The following OLA1 variants were observed in gnomAD, a reference collection of about 807,000 sequenced individuals.
OLA1 encodes obg-like ATPase 1.
In OLA1, 14 loss-of-function variants were observed where a neutral mutation model predicts 48.4. The ratio of observed to expected loss-of-function variants is 0.29; its 90% CI spans 0.19 to 0.45. OLA1 has a LOEUF of 0.45. OLA1 is among the 20% of genes least tolerant of loss of function. The probability of loss-of-function intolerance (pLI) is 1.00; values close to 1 mark genes in which losing one functional copy is unlikely to be tolerated. For missense variants in OLA1, 325 were observed against 467.1 expected (o/e 0.70, Z 2.80); for synonymous variants, 127 against 150.4 (o/e 0.84, Z 1.14).
intron 2 of OLA1, among the ~76,000 whole-genome samples, chr2:174,241,542 A>C (rs976967715): frequency 3.9e-5 from 6 of 152,212 alleles, no homozygotes; most frequent in African/African-American, 1.4e-4. Context: ...CAGCTAAACA[A>C]GACAATTACT....
intron 4 of OLA1, among the ~76,000 whole-genome samples, chr2:174,152,035 A>G (rs1686759193): frequency 6.6e-6 from 1 of 152,244 alleles, no homozygotes; most frequent in South Asian, 2.1e-4. Flanking sequence ...GAGCAAAACC[A>G]TAATCTAATT....
At chr2:174,182,414 TACTC>T (rs1687568052) in intron 4 of OLA1, among the ~76,000 whole-genome samples, 1 of 152,050 alleles carries the variant, frequency 6.6e-6, no homozygotes, top group African/African-American at 2.4e-5. Flanking sequence ...TAATTCCACT[TACTC>T]AGGAGGCTGA....
intron 5 of OLA1, among the ~76,000 whole-genome samples, chr2:174,133,239 T>C (rs1686223271): frequency 6.6e-6 from 1 of 152,228 alleles, no homozygotes. Context: ...GATTTTTTAC[T>C]TTACTGGGAC....
At chr2:174,182,883 A>G (rs1263150307) in intron 4 of OLA1, among the ~76,000 whole-genome samples, 1 of 152,188 alleles carries the variant, frequency 6.6e-6, no homozygotes, top group East Asian at 1.9e-4. Context: ...TCCATCCCCA[A>G]TTACCTCATC....
chr2:174,162,224 A>G (rs1001748213), intron 4 of OLA1, among the ~76,000 whole-genome samples: 1 of 152,242 alleles, frequency 6.6e-6, no homozygotes, highest in African/African-American at 2.4e-5. Context: ...ACTGGAAAAC[A>G]TACTAATGTT....
chr2:174,185,367 G>A (rs1445689425), intron 4 of OLA1, among the ~76,000 whole-genome samples: 2 of 152,160 alleles, frequency 1.3e-5, no homozygotes, highest in Non-Finnish European at 1.5e-5. Flanking sequence ...GCAGCCATGT[G>A]CCAAGAAGAA....
intron 7 of OLA1, among the ~76,000 whole-genome samples, chr2:174,086,695 G>C (rs1020215235): frequency 1.3e-5 from 2 of 152,192 alleles, no homozygotes; most frequent in Non-Finnish European, 2.9e-5. Flanking sequence ...TGGGCAGGTC[G>C]CATCCACAGT....
At chr2:174,108,199 T>C (rs1685559484) in intron 7 of OLA1, among the ~76,000 whole-genome samples, 1 of 152,106 alleles carries the variant, frequency 6.6e-6, no homozygotes, top group African/African-American at 2.4e-5. Context: ...AGTTTTAAAA[T>C]GGTATTCATT....
chr2:174,232,746 G>A (rs1031304920), intron 2 of OLA1, among the ~76,000 whole-genome samples: 3 of 152,114 alleles, frequency 2.0e-5, no homozygotes, highest in Non-Finnish European at 2.9e-5. Flanking sequence ...TTAGAACTCC[G>A]TGCACTGCTG....
chr2:174,246,927 C>T, intron 1 of OLA1, 112 bp from the exon 2 acceptor site: 1 of 552,792 alleles, frequency 1.8e-6, no homozygotes, highest in Non-Finnish European at 3.1e-6. Context: ...ACAAAACATA[C>T]TGTATATAGC....
At position 174,241,259 on chromosome 2, in the gene OLA1, T is replaced by A. The variant is rs888771283; in HGVS notation, c.101+5456A>T. Among the ~76,000 whole-genome samples, 39 of 152,168 alleles carry A rather than the reference T, an allele frequency of 2.6e-4. 1 individual carries two copies. The highest frequency in any genetic ancestry group is 8.7e-4 in the African/African-American group (36 of 41,432). ...AATGCAGTCACATGAGGGATCCCAA[T>A]GAGACTGGCAGAAGACCTTTCTAAC... On this transcript the variant is annotated intron_variant, in intron 2 of 10. Transcript: ENST00000284719.
intron 4 of OLA1, among the ~76,000 whole-genome samples, chr2:174,199,770 G>A (rs531716907): frequency 1.3e-5 from 2 of 152,198 alleles, no homozygotes; most frequent in South Asian, 2.1e-4. Context: ...TCCACATTCC[G>A]ATTAACTTTT....
chr2:174,108,293 T>C (rs1867860), intron 7 of OLA1, among the ~76,000 whole-genome samples: 65,013 of 151,876 alleles, frequency 0.43, 14,704 homozygotes, highest in East Asian at 0.94. Flanking sequence ...GCACTAAACA[T>C]AAGCAAGCAA....
At chr2:174,218,928 C>G (rs1225036022) in intron 4 of OLA1, among the ~76,000 whole-genome samples, 1 of 151,860 alleles carries the variant, frequency 6.6e-6, no homozygotes, top group African/African-American at 2.4e-5. Context: ...TCAAGTGATT[C>G]TCCTGCCTCA....
chr2:174,205,702 C>T (rs1015586723), intron 4 of OLA1, among the ~76,000 whole-genome samples: 7 of 152,180 alleles, frequency 4.6e-5, no homozygotes, highest in African/African-American at 1.4e-4. Context: ...TTCCTTCCTG[C>T]CACAGAGTGA....
At chr2:174,119,245 C>G (rs16862407) in intron 7 of OLA1, among the ~76,000 whole-genome samples, 16,827 of 151,848 alleles carry the variant, frequency 0.11, 2,181 homozygotes, top group East Asian at 0.71. Flanking sequence ...ATAATCAATT[C>G]CACAAAATTC....
chr2:174,182,535 T>A (rs1203598138), intron 4 of OLA1, among the ~76,000 whole-genome samples: 1 of 151,852 alleles, frequency 6.6e-6, no homozygotes, highest in African/African-American at 2.4e-5. Context: ...CTCAAAAAAA[T>A]AAAAATAAAA....
intron 4 of OLA1, among the ~76,000 whole-genome samples, chr2:174,150,162 T>A (rs1686710442): frequency 6.6e-6 from 1 of 152,192 alleles, no homozygotes; most frequent in Non-Finnish European, 1.5e-5. Context: ...AGTGACTGGG[T>A]CATGAGGGCT....
chr2:174,123,536 T>C, intron 6 of OLA1, 59 bp downstream of exon 6: 1 of 1,013,490 alleles, frequency 9.9e-7, no homozygotes, highest in South Asian at 1.5e-5. Flanking sequence ...CAACTCTAAT[T>C]TGTTCCCTAG....
Sources: gnomAD v4.1 joint callset for allele counts (sites outside exome capture counted in the v4.1 genomes callset) on GRCh38, gnomAD v4.1.1 for gene constraint, MANE v1.5 for transcripts, NCBI Gene and HGNC (gene_info 2026-07-23, HGNC 2026-07-21) for gene names.